ZNF3: variants seen among roughly 807,000 people sequenced by gnomAD.
ZNF3 encodes zinc finger protein 3.
ZNF3 carries 16 observed loss-of-function variants against 36.9 expected under a neutral mutation model. That is an observed-to-expected ratio of 0.43 (90% CI 0.29 to 0.66). The LOEUF (loss-of-function observed/expected upper bound fraction) is 0.66, where lower values mean the gene tolerates loss of function less well. Ranked by LOEUF, ZNF3 falls within the 30% of genes least tolerant of loss-of-function variation. The probability of loss-of-function intolerance (pLI) is 0.13; values close to 1 mark genes in which losing one functional copy is unlikely to be tolerated. For missense variants in ZNF3, 462 were observed against 543.1 expected (o/e 0.85, Z 1.48); for synonymous variants, 201 against 201.9 (o/e 1.00, Z 0.04).
intron 1 of ZNF3, among the ~76,000 whole-genome samples, chr7:100,080,531 G>T (rs1467343474): frequency 6.6e-6 from 1 of 151,548 alleles, no homozygotes; most frequent in Non-Finnish European, 1.5e-5. Flanking sequence ...AAAAAAAAAG[G>T]CCGGGCGCGG....
chr7:100,073,077 T>C (rs1793475608), intron 5 of ZNF3, among the ~76,000 whole-genome samples: 1 of 152,206 alleles, frequency 6.6e-6, no homozygotes, highest in Admixed American at 6.5e-5. Flanking sequence ...CCTCTCATTC[T>C]AGCAGAGAGA....
chr7:100,071,455 A>C lies in ZNF3; in HGVS notation c.1029T>G (p.Asn343Lys). 2.5e-6 allele frequency: 4 copies of C among 1,614,102 alleles called. No individual in the cohort carries two copies. The highest frequency in any genetic ancestry group is 3.4e-6 in the Non-Finnish European group (4 of 1,180,004). The change falls in exon 6 of 6, where the codon AAT becomes AAG. Residue 343 changes from asparagine (N) to lysine (K), a missense_variant. Transcript: ENST00000299667. ...TCTGGCTGAAGGCTTTCCCACATTC[A>C]TTACATTCATAGGGTTTTTCTCCAG... ...IHTGEKPYEC[N>K]ECGKAFSQSS...
upstream of ZNF3, chr7:100,082,376 G>A (rs1426459172): frequency 6.6e-6 from 1 of 152,266 alleles, no homozygotes; most frequent in Non-Finnish European, 1.5e-5. Context: ...CTGAGGTCAG[G>A]AGTTCGAGAC....
chr7:100,080,550 G>T (rs544085249), intron 1 of ZNF3, among the ~76,000 whole-genome samples: 1 of 150,636 alleles, frequency 6.6e-6, no homozygotes, highest in Non-Finnish European at 1.5e-5. Flanking sequence ...GGTGGCTAAC[G>T]CCTGTAATCC....
At chr7:100,075,698 C>A (rs1461467420) in intron 3 of ZNF3, 68 bp from the exon 4 acceptor site, 2 of 1,515,770 alleles carry the variant, frequency 1.3e-6, no homozygotes, top group Non-Finnish European at 1.8e-6. Flanking sequence ...TGCTGACTTC[C>A]CAACCCACAG....
chr7:100,080,367 G>A (rs191161092), intron 1 of ZNF3, among the ~76,000 whole-genome samples: 1 of 152,264 alleles, frequency 6.6e-6, no homozygotes, highest in Admixed American at 6.5e-5. Context: ...AGTGGCTCAC[G>A]CCTGTAACCC....
downstream of ZNF3, chr7:100,069,850 T>C: frequency 2.7e-6 from 2 of 735,104 alleles, no homozygotes; most frequent in Non-Finnish European, 3.3e-6. Flanking sequence ...AGACCTCAGG[T>C]GATCTGCCTG....
downstream of ZNF3, chr7:100,065,017 G>C: frequency 7.0e-7 from 1 of 1,429,634 alleles, no homozygotes; most frequent in Non-Finnish European, 9.6e-7. Context: ...ATGAGATTCA[G>C]AATAAACTTA....
At chr7:100,077,107 T>C (rs1355617620) in intron 3 of ZNF3, 196 bp downstream of exon 3, 9 of 595,706 alleles carry the variant, frequency 1.5e-5, no homozygotes, top group Non-Finnish European at 2.7e-5. Context: ...TCTGCCTCAA[T>C]TATCAAACCT....
chr7:100,064,364 G>T, exon 6 of ZNF3: 2 of 1,614,156 alleles, frequency 1.2e-6, no homozygotes, highest in Non-Finnish European at 1.7e-6. Flanking sequence ...CCTTATCAGT[G>T]TAACGAATGT....
At chr7:100,074,026 A>G (rs1338153310) in intron 5 of ZNF3, among the ~76,000 whole-genome samples, 1 of 151,986 alleles carries the variant, frequency 6.6e-6, no homozygotes, top group African/African-American at 2.4e-5. Flanking sequence ...GTGGTGACGC[A>G]TGCCTATCAT....
chr7:100,063,893 C>T (rs959950563), downstream of ZNF3: 1 of 1,614,130 alleles, frequency 6.2e-7, no homozygotes, highest in Non-Finnish European at 8.5e-7. Flanking sequence ...GCCAATAAAC[C>T]TGAGGCCAGC....
downstream of ZNF3, among the ~76,000 whole-genome samples, chr7:100,066,266 G>A (rs1792644577): frequency 2.0e-5 from 3 of 152,110 alleles, no homozygotes; most frequent in African/African-American, 7.2e-5. Flanking sequence ...CAATGCCACA[G>A]TTCTCTGTGG....
chr7:100,068,913 T>G (rs1262127664), downstream of ZNF3, among the ~76,000 whole-genome samples: 2 of 151,888 alleles, frequency 1.3e-5, no homozygotes, highest in Non-Finnish European at 2.9e-5. Context: ...GCCACCTGCA[T>G]TTAAGCGATT....
At chr7:100,064,012 G>C (rs1792491698), downstream of ZNF3, 2 of 1,614,026 alleles carry the variant, frequency 1.2e-6, no homozygotes, top group Non-Finnish European at 1.7e-6. Flanking sequence ...ACCTACCCCA[G>C]GAGAGAGACG....
downstream of ZNF3, among the ~76,000 whole-genome samples, chr7:100,067,782 A>G (rs1158842085): frequency 1.3e-5 from 2 of 152,192 alleles, no homozygotes; most frequent in African/African-American, 4.8e-5. Context: ...TACTGCTACC[A>G]TCACTTGCAA....
chr7:100,066,513 G>A (rs756948568), downstream of ZNF3, among the ~76,000 whole-genome samples: 20 of 151,150 alleles, frequency 1.3e-4, no homozygotes, highest in Admixed American at 4.0e-4. Context: ...GGCGGATCAC[G>A]AGGTCAGGAG....
chr7:100,077,186 G>A lies in ZNF3; in HGVS notation c.55+117C>T, dbSNP rs1194344626. On this transcript the variant is annotated intron_variant, in intron 3 of 5. Coordinates refer to ENST00000299667, the MANE Select transcript of ZNF3 (RefSeq NM_032924.5). ...GCTGTGAGTTACTGAATGGCGAAGA[G>A]TGTGTCTTATTCACATCTGGATTCT... 3 of 1,267,060 alleles carry A rather than the reference G, an allele frequency of 2.4e-6. No homozygotes were observed. In the East Asian group the frequency reaches 7.0e-5, roughly 30 times the overall value. The allele number at this position is 1,267,060 out of a possible 1,614,324, so 78.5% of individuals were successfully genotyped here.
In ZNF3 at chr7:100,070,598, C is replaced by A. The variant is rs1792975400; in HGVS notation, c.*545G>T. On this transcript the variant is annotated 3_prime_UTR_variant, in exon 6 of 6. Transcript: ENST00000299667. ...TCATCACAGATGATGATTCTGGAATCTCTTCTACCCTCAATAAAATAATCC... is the reference window on the plus strand; with the variant it reads ...TCATCACAGATGATGATTCTGGAATATCTTCTACCCTCAATAAAATAATCC... 1.0e-6 allele frequency: 1 copy of A among 986,902 alleles called. No individual in the cohort carries two copies. The highest frequency in any genetic ancestry group is 1.7e-5 in the African/African-American group (1 of 57,212). The allele number at this position is 986,902 out of a possible 1,614,324, so 61.1% of individuals were successfully genotyped here.
Sources: gnomAD v4.1 joint callset for allele counts (sites outside exome capture counted in the v4.1 genomes callset) on GRCh38, gnomAD v4.1.1 for gene constraint, MANE v1.5 for transcripts, NCBI Gene and HGNC (gene_info 2026-07-23, HGNC 2026-07-21) for gene names.